ILRUN: variants seen among roughly 807,000 people sequenced by gnomAD.
The protein encoded by ILRUN is inflammation and lipid regulator with UBA-like and NBR1-like domains.
In ILRUN, 3 loss-of-function variants were observed where a neutral mutation model predicts 33.8. That is an observed-to-expected ratio of 0.09 (90% CI 0.04 to 0.23). The LOEUF is 0.23. Among genes scored for constraint, ILRUN ranks in the 10% least tolerant of loss-of-function variants. The pLI is 1.00. For missense variants in ILRUN, 210 were observed against 375.1 expected (o/e 0.56, Z 3.64); for synonymous variants, 124 against 138.9 (o/e 0.89, Z 0.75).
At chr6:34,626,008 G>A (rs1349494669) in intron 3 of ILRUN, among the ~76,000 whole-genome samples, 10 of 151,708 alleles carry the variant, frequency 6.6e-5, no homozygotes, top group African/African-American at 9.7e-5. Context: ...CCGCCACCAC[G>A]CCCGGCTAAT....
At chr6:34,609,111 C>T (rs1761692532) in intron 3 of ILRUN, among the ~76,000 whole-genome samples, 1 of 152,146 alleles carries the variant, frequency 6.6e-6, no homozygotes, top group African/African-American at 2.4e-5. Flanking sequence ...AGAACAAACA[C>T]TAAAAACAAG....
At chr6:34,645,217 A>C (rs1762542867) in intron 3 of ILRUN, among the ~76,000 whole-genome samples, 1 of 152,178 alleles carries the variant, frequency 6.6e-6, no homozygotes, top group Admixed American at 6.5e-5. Flanking sequence ...AGTACTATTT[A>C]CTATTTATTT....
chr6:34,606,918 G>GT lies in ILRUN; in HGVS notation c.512-15dup. Reference sequence around the variant, plus strand: ...CCCAGATGACATCTGAAACAAAAAGGTAACTCATTTCAATGCCAGGCTTAC... The same window carrying GT: ...CCCAGATGACATCTGAAACAAAAAGGTTAACTCATTTCAATGCCAGGCTTAC... On this transcript the variant is annotated splice_polypyrimidine_tract_variant and intron_variant, in intron 3 of 4. Transcript: ENST00000374023. 2 of 1,593,608 alleles carry GT rather than the reference G, an allele frequency of 1.3e-6. No homozygotes were observed. Among genetic ancestry groups the GT allele is most frequent in the Non-Finnish European group, 1.7e-6 (2 of 1,169,014 alleles).
At chr6:34,605,908 G>C (rs546021504) in intron 4 of ILRUN, among the ~76,000 whole-genome samples, 110 of 152,280 alleles carry the variant, frequency 7.2e-4, no homozygotes, top group African/African-American at 2.6e-3. Context: ...CCCAGCATCA[G>C]GGCTTTATTC....
At position 34,665,487 on chromosome 6, in the gene ILRUN, T is replaced by C. The variant is rs553328829; in HGVS notation, c.159-10708A>G. Among the ~76,000 whole-genome samples the C allele has an allele frequency of 1.2e-3, 183 of 152,176 alleles. No individual in the cohort carries two copies. The Middle Eastern group carries it at 0.014, about 11-fold the overall frequency. ...AAGGAGAGATATGGGGGTCTCATTATGTTGCCCACACAGGTCTCAAACGCT... is the reference window on the plus strand; with the variant it reads ...AAGGAGAGATATGGGGGTCTCATTACGTTGCCCACACAGGTCTCAAACGCT... On this transcript the variant is annotated intron_variant, in intron 1 of 4. Coordinates refer to ENST00000374023, the MANE Select transcript of ILRUN (RefSeq NM_024294.4).
At chr6:34,642,306 C>T (rs867720715) in intron 3 of ILRUN, among the ~76,000 whole-genome samples, 1 of 152,124 alleles carries the variant, frequency 6.6e-6, no homozygotes, top group African/African-American at 2.4e-5. Context: ...GCAGAAACAA[C>T]AGCCAACACC....
At chr6:34,611,770 G>A (rs936883382) in intron 3 of ILRUN, among the ~76,000 whole-genome samples, 1 of 152,184 alleles carries the variant, frequency 6.6e-6, no homozygotes, top group Non-Finnish European at 1.5e-5. Context: ...AAAATCTGAA[G>A]TCTAGAGGTA....
intron 3 of ILRUN, among the ~76,000 whole-genome samples, chr6:34,644,446 G>A (rs531054883): frequency 6.6e-6 from 1 of 152,262 alleles, no homozygotes; most frequent in Non-Finnish European, 1.5e-5. Context: ...AGTGCCAAGA[G>A]AAGAAACAAA....
At chr6:34,627,625 G>A (rs1470405672) in intron 3 of ILRUN, among the ~76,000 whole-genome samples, 1 of 151,798 alleles carries the variant, frequency 6.6e-6, no homozygotes, top group Non-Finnish European at 1.5e-5. Context: ...ATATAACGGT[G>A]AATATCTTCT....
chr6:34,624,330 T>C (rs1222289072), intron 3 of ILRUN, among the ~76,000 whole-genome samples: 2 of 152,090 alleles, frequency 1.3e-5, no homozygotes, highest in African/African-American at 4.8e-5. Flanking sequence ...TTTTTTATTT[T>C]TTTATTTTTT....
At chr6:34,665,683 C>G (rs535116411) in intron 1 of ILRUN, among the ~76,000 whole-genome samples, 1 of 152,214 alleles carries the variant, frequency 6.6e-6, no homozygotes, top group African/African-American at 2.4e-5. Flanking sequence ...CCAACCTTAG[C>G]TTCCCAAAGT....
intron 1 of ILRUN, among the ~76,000 whole-genome samples, chr6:34,682,258 T>TTTGTTTTGTTTTG (rs572889727): frequency 5.4e-5 from 3 of 55,468 alleles, no homozygotes; most frequent in African/African-American, 4.0e-4. Context: ...TCTGTTTTTT[T>TTTGTTTTGTTTTG]TTTTTTTTTT....
At chr6:34,669,916 CT>C (rs781326140) in intron 1 of ILRUN, among the ~76,000 whole-genome samples, 124 of 144,838 alleles carry the variant, frequency 8.6e-4, no homozygotes, top group Middle Eastern at 3.6e-3. Flanking sequence ...AAAGGCAACT[CT>C]TTTTTTTTTT....
chr6:34,631,035 C>T (rs544462475), intron 3 of ILRUN, among the ~76,000 whole-genome samples: 1 of 152,264 alleles, frequency 6.6e-6, no homozygotes, highest in African/African-American at 2.4e-5. Flanking sequence ...ATGTTGTCTA[C>T]TTTTTCCATT....
At chr6:34,684,076 C>T (rs1013592441) in intron 1 of ILRUN, among the ~76,000 whole-genome samples, 2 of 151,566 alleles carry the variant, frequency 1.3e-5, no homozygotes, top group African/African-American at 4.9e-5. Flanking sequence ...CTGTACCCCA[C>T]CCCCCAAAAA....
In ILRUN at chr6:34,659,521, ACCC is replaced by A. The variant is rs1458060241; in HGVS notation, c.159-4745_159-4743del. Among the ~76,000 whole-genome samples the A allele has an allele frequency of 3.3e-5, 5 of 152,056 alleles. No homozygotes were observed. In the East Asian group the frequency reaches 7.7e-4, roughly 23 times the overall value. ...TTATGAATTCTATAAATGAATTGTA[ACCC>A]CCATTAAACTGAATTCTTTAAAGAA... On this transcript the variant is annotated intron_variant, in intron 1 of 4. Coordinates refer to ENST00000374023, the MANE Select transcript of ILRUN (RefSeq NM_024294.4).
chr6:34,661,458 G>A (rs759386891), intron 1 of ILRUN, among the ~76,000 whole-genome samples: 1 of 152,222 alleles, frequency 6.6e-6, no homozygotes, highest in South Asian at 2.1e-4. Context: ...GGAGGTGGGG[G>A]TACTGAGAAA....
intron 3 of ILRUN, among the ~76,000 whole-genome samples, chr6:34,612,895 T>G (rs540963452): frequency 6.6e-6 from 1 of 152,150 alleles, no homozygotes; most frequent in Admixed American, 6.5e-5. Flanking sequence ...ACAAAAAAAT[T>G]AGCCGGGCAT....
chr6:34,609,484 T>C (rs1050686527), intron 3 of ILRUN, among the ~76,000 whole-genome samples: 3 of 150,420 alleles, frequency 2.0e-5, no homozygotes, highest in African/African-American at 7.3e-5. Context: ...AGTAAGAGCC[T>C]ATCTCAAAAA....
Sources: allele counts gnomAD v4.1 joint callset (sites outside exome capture counted in the v4.1 genomes callset), GRCh38; gene constraint gnomAD v4.1.1; transcripts MANE v1.5; gene names NCBI Gene and HGNC (gene_info 2026-07-23, HGNC 2026-07-21).